Variants in CPNE4 observed in about 807,000 individuals in gnomAD.
The protein encoded by CPNE4 is copine-4.
CPNE4 carries 25 observed loss-of-function variants against 67.9 expected under a neutral mutation model. That is an observed-to-expected ratio of 0.37 (90% confidence interval 0.27 to 0.51). The LOEUF (loss-of-function observed/expected upper bound fraction) is 0.51, where lower values mean the gene tolerates loss of function less well. Ranked by LOEUF, CPNE4 falls within the 20% of genes least tolerant of loss-of-function variation. The pLI is 0.93. For missense variants in CPNE4, 464 were observed against 690.8 expected (o/e 0.67, Z 3.68); for synonymous variants, 242 against 244.9 (o/e 0.99, Z 0.11).
intron 2 of CPNE4, among the ~76,000 whole-genome samples, chr3:131,854,513 C>T (rs1489462255): frequency 6.6e-6 from 1 of 151,714 alleles, no homozygotes; most frequent in Non-Finnish European, 1.5e-5. Flanking sequence ...TGCTCCTGGA[C>T]AAAATTTTTA....
At position 131,715,451 on chromosome 3, in the gene CPNE4, T is replaced by G. The variant is rs771255916; in HGVS notation, c.360+7995A>C. Among the ~76,000 whole-genome samples the G allele has an allele frequency of 9.8e-5, 15 of 152,328 alleles. 1 individual carries two copies. Among genetic ancestry groups the G allele is most frequent in the Admixed American group, 4.6e-4 (7 of 15,302 alleles). On this transcript the variant is annotated intron_variant, in intron 3 of 15. Coordinates refer to ENST00000429747, the MANE Select transcript of CPNE4 (RefSeq NM_130808.3). ...ACTAGTTAGTGACAAGCTATTAGAA[T>G]AGATGGAAAAGATTATACAGGGCTT...
intron 2 of CPNE4, among the ~76,000 whole-genome samples, chr3:131,764,882 G>T (rs557705454): frequency 6.6e-6 from 1 of 152,178 alleles, no homozygotes; most frequent in South Asian, 2.1e-4. Flanking sequence ...AGAGCTCTGA[G>T]ATTGTTTAAC....
At chr3:131,862,467 A>G (rs1377229579) in intron 2 of CPNE4, among the ~76,000 whole-genome samples, 1 of 151,996 alleles carries the variant, frequency 6.6e-6, no homozygotes, top group Non-Finnish European at 1.5e-5. Context: ...TGGTTTCCTT[A>G]CCTCTGGTTT....
chr3:131,982,284 T>A (rs1486652734), intron 1 of CPNE4, among the ~76,000 whole-genome samples: 1 of 152,214 alleles, frequency 6.6e-6, no homozygotes, highest in Non-Finnish European at 1.5e-5. Context: ...AATTTATGTA[T>A]ATAATTCAGT....
At chr3:131,672,111 T>A (rs1560089481) in intron 6 of CPNE4, among the ~76,000 whole-genome samples, 1 of 152,166 alleles carries the variant, frequency 6.6e-6, no homozygotes, top group Non-Finnish European at 1.5e-5. Context: ...TTACTTAATA[T>A]AAAGACCTCC....
At chr3:131,944,094 C>T (rs371429375) in intron 1 of CPNE4, among the ~76,000 whole-genome samples, 38 of 152,244 alleles carry the variant, frequency 2.5e-4, no homozygotes, top group African/African-American at 8.7e-4. Context: ...ATCTCCAGCA[C>T]CTAGCCGTCA....
chr3:131,679,622 GT>G (rs2080685560), intron 6 of CPNE4, among the ~76,000 whole-genome samples: 1 of 152,070 alleles, frequency 6.6e-6, no homozygotes, highest in Non-Finnish European at 1.5e-5. Context: ...ATTGTGGTAC[GT>G]TGTGTCTTTG....
chr3:131,621,008 T>C (rs763813868), intron 7 of CPNE4, among the ~76,000 whole-genome samples: 3 of 152,206 alleles, frequency 2.0e-5, no homozygotes, highest in Non-Finnish European at 4.4e-5. Flanking sequence ...TTGTCTGTTA[T>C]TTCCATGATG....
At chr3:131,770,795 T>C (rs540353089) in intron 2 of CPNE4, among the ~76,000 whole-genome samples, 1 of 152,338 alleles carries the variant, frequency 6.6e-6, no homozygotes, top group East Asian at 1.9e-4. Context: ...GAAACCTCCC[T>C]GACTTACCTA....
At chr3:131,937,336 G>C (rs1463898737) in intron 1 of CPNE4, among the ~76,000 whole-genome samples, 1 of 152,134 alleles carries the variant, frequency 6.6e-6, no homozygotes, top group Non-Finnish European at 1.5e-5. Flanking sequence ...TTTCTACAGA[G>C]AAATTCTCCA....
chr3:131,717,760 G>C (rs1478439225), intron 3 of CPNE4, among the ~76,000 whole-genome samples: 1 of 152,054 alleles, frequency 6.6e-6, no homozygotes, highest in Admixed American at 6.6e-5. Context: ...TTTCCTTCCT[G>C]TTATTGCACT....
At chr3:131,778,320 G>T (rs558478337) in intron 2 of CPNE4, among the ~76,000 whole-genome samples, 1 of 152,172 alleles carries the variant, frequency 6.6e-6, no homozygotes, top group Admixed American at 6.6e-5. Flanking sequence ...CTTCCCAGGA[G>T]CGTATGTCTA....
chr3:131,581,962 T>C (rs552353693), intron 8 of CPNE4, among the ~76,000 whole-genome samples: 1 of 152,324 alleles, frequency 6.6e-6, no homozygotes, highest in Non-Finnish European at 1.5e-5. Flanking sequence ...CTTATAATTA[T>C]ACTCTATCTC....
chr3:131,931,509 T>C (rs1208169133), intron 1 of CPNE4, among the ~76,000 whole-genome samples: 1 of 152,130 alleles, frequency 6.6e-6, no homozygotes, highest in Non-Finnish European at 1.5e-5. Flanking sequence ...AGAATTTATG[T>C]TCATATGACT....
chr3:131,714,965 G>T (rs1369590659), intron 3 of CPNE4, among the ~76,000 whole-genome samples: 1 of 152,130 alleles, frequency 6.6e-6, no homozygotes, highest in Non-Finnish European at 1.5e-5. Flanking sequence ...TGAACTTCTG[G>T]AGGAGACATA....
At chr3:131,724,742 G>GATGTCT in intron 2 of CPNE4, among the ~76,000 whole-genome samples, 1 of 152,202 alleles carries the variant, frequency 6.6e-6, no homozygotes, top group African/African-American at 2.4e-5. Flanking sequence ...TGCTATCTCT[G>GATGTCT]ATGTCTCGGA....
chr3:131,737,920 A>C (rs763290362), intron 2 of CPNE4, among the ~76,000 whole-genome samples: 2 of 152,178 alleles, frequency 1.3e-5, no homozygotes, highest in Non-Finnish European at 2.9e-5. Context: ...AATGATTCCA[A>C]TTAGCAATTT....
intron 9 of CPNE4, among the ~76,000 whole-genome samples, chr3:131,576,329 A>G (rs938866223): frequency 6.6e-6 from 1 of 152,144 alleles, no homozygotes; most frequent in African/African-American, 2.4e-5. Flanking sequence ...GTGTCTGCAT[A>G]TCAAAGAAAT....
At chr3:131,698,909 C>CA (rs750798265) in intron 4 of CPNE4, among the ~76,000 whole-genome samples, 26,245 of 86,814 alleles carry the variant, frequency 0.3, 3,687 homozygotes, top group African/African-American at 0.32. Context: ...GACACTGTCT[C>CA]AAAAAAAAAA....
Sources: gnomAD v4.1 joint callset for allele counts (sites outside exome capture counted in the v4.1 genomes callset) on GRCh38, gnomAD v4.1.1 for gene constraint, MANE v1.5 for transcripts, NCBI Gene and HGNC (gene_info 2026-07-23, HGNC 2026-07-21) for gene names.